The following STK3 variants were observed in gnomAD, a reference collection of about 807,000 sequenced individuals.
STK3 encodes serine/threonine-protein kinase 3.
Under a neutral mutation model 58.0 loss-of-function variants are expected in STK3, and 41 were observed. That is an observed-to-expected ratio of 0.71 (90% confidence interval 0.55 to 0.92). STK3 has a LOEUF of 0.92. Ranked by LOEUF, STK3 falls within the 40% of genes least tolerant of loss-of-function variation. The probability of loss-of-function intolerance (pLI) is 0.00; values close to 1 mark genes in which losing one functional copy is unlikely to be tolerated. For synonymous variants in STK3, 170 were observed against 191.0 expected (o/e 0.89, Z 0.91); for missense variants, 479 against 602.7 (o/e 0.79, Z 2.15).
chr8:98,579,669 TTTC>T lies in STK3; in HGVS notation c.940_942del (p.Glu314del), dbSNP rs1441189576. ...TTTTGAAGATAATTACAAACCGAAT[TTTC>T]TTCTTCCTCTTCCAATTCTCGTTGC... On this transcript the variant is annotated inframe_deletion, in exon 8 of 11. Coordinates refer to ENST00000419617, the MANE Select transcript of STK3 (RefSeq NM_006281.4). 1 of 1,603,426 alleles carries T rather than the reference TTTC, an allele frequency of 6.2e-7. No individual in the cohort carries two copies. The highest frequency in any genetic ancestry group is 1.3e-5 in the African/African-American group (1 of 74,372).
In STK3 at chr8:98,526,778, A is replaced by T. The variant is rs776939644; in HGVS notation, c.1281T>A (p.Asp427Glu). Residue 427 changes from aspartate (D) to glutamate (E), a missense_variant, in exon 10 of 11, where the codon GAT becomes GAA. Asp to Glu is a conservative substitution (Grantham distance 45). Coordinates refer to ENST00000419617, the MANE Select transcript of STK3 (RefSeq NM_006281.4). ...PFPMSKNVFP[D>E]NWKVPQDGDF... Reference sequence around the variant, plus strand: ...CTCCATCTTGAGGAACTTTCCAGTTATCAGGAAAAACGTTTTTGGACATAG... The same window carrying T: ...CTCCATCTTGAGGAACTTTCCAGTTTTCAGGAAAAACGTTTTTGGACATAG... 2.2e-5 allele frequency: 35 copies of T among 1,583,888 alleles called. No individual in the cohort carries two copies. The highest frequency in any genetic ancestry group is 2.8e-5 in the Non-Finnish European group (33 of 1,163,810).
intron 2 of STK3, among the ~76,000 whole-genome samples, chr8:98,768,386 C>T (rs533011400): frequency 1.5e-4 from 23 of 152,194 alleles, no homozygotes; most frequent in African/African-American, 5.5e-4. Context: ...ATGCAGAAGC[C>T]CTTCCAAATT....
intron 1 of STK3, among the ~76,000 whole-genome samples, chr8:98,914,447 T>C (rs749558922): frequency 8.1e-5 from 12 of 148,600 alleles, no homozygotes; most frequent in Non-Finnish European, 1.3e-4. Flanking sequence ...TACACTTGTG[T>C]GCAAGCACAT....
At chr8:98,430,963 TATAAG>T (rs1818317374) in intron 3 of STK3, 2 of 167,150 alleles carry the variant, frequency 1.2e-5, no homozygotes, top group Admixed American at 1.3e-4. Flanking sequence ...TGGGTTCCTC[TATAAG>T]ATAATTCTTC....
chr8:98,430,285 A>G (rs1388151424), intron 3 of STK3: 2 of 167,088 alleles, frequency 1.2e-5, no homozygotes, highest in African/African-American at 2.4e-5. Context: ...TTTCCGGATG[A>G]GGTTTCTGAT....
intron 1 of STK3, among the ~76,000 whole-genome samples, chr8:98,893,486 G>GAAAGAGAAAGAAAGAGAGAAAGAA (rs776247646): frequency 7.0e-5 from 3 of 42,998 alleles, no homozygotes; most frequent in African/African-American, 3.3e-4. Flanking sequence ...AAGAAAGAAA[G>GAAAGAGAAAGAAAGAGAGAAAGAA]AGAAAGAAAG....
intron 6 of STK3, among the ~76,000 whole-genome samples, chr8:98,654,523 A>T (rs1454661376): frequency 2.0e-5 from 3 of 152,190 alleles, no homozygotes; most frequent in African/African-American, 7.2e-5. Context: ...GTATTCAATT[A>T]GGAAAAGAGG....
intron 6 of STK3, among the ~76,000 whole-genome samples, chr8:98,643,688 A>G (rs1260365759): frequency 3.3e-5 from 5 of 152,214 alleles, no homozygotes; most frequent in Non-Finnish European, 7.3e-5. Context: ...AAAGTGGCTG[A>G]TGCACAACAA....
chr8:98,597,940 A>G (rs1815973287), intron 6 of STK3: 1 of 985,370 alleles, frequency 1.0e-6, no homozygotes, highest in Non-Finnish European at 1.2e-6. Context: ...GCAGAACCTA[A>G]TAAGGCTTTA....
At chr8:98,719,744 A>C (rs1283075154) in intron 4 of STK3, among the ~76,000 whole-genome samples, 1 of 152,186 alleles carries the variant, frequency 6.6e-6, no homozygotes, top group Non-Finnish European at 1.5e-5. Flanking sequence ...CACAGCGCTG[A>C]TACTCTTCAA....
chr8:98,474,834 T>A (rs1444115094), intron 10 of STK3, among the ~76,000 whole-genome samples: 1 of 152,234 alleles, frequency 6.6e-6, no homozygotes, highest in Non-Finnish European at 1.5e-5. Flanking sequence ...AATCATTTTT[T>A]AAATTTCTGC....
At chr8:98,898,877 G>A (rs1334822191) in intron 1 of STK3, among the ~76,000 whole-genome samples, 1 of 152,176 alleles carries the variant, frequency 6.6e-6, no homozygotes, top group Non-Finnish European at 1.5e-5. Flanking sequence ...TTCAAACACA[G>A]CCTGCCTGGT....
chr8:98,363,206 A>G, the STK3 span, among the ~76,000 whole-genome samples: 1 of 152,252 alleles, frequency 6.6e-6, no homozygotes, highest in East Asian at 1.9e-4. Flanking sequence ...AGCAGCATGC[A>G]TTTTTCTATA....
chr8:98,779,543 A>G (rs1223780724), intron 1 of STK3, among the ~76,000 whole-genome samples: 5 of 152,230 alleles, frequency 3.3e-5, no homozygotes, highest in African/African-American at 4.8e-5. Flanking sequence ...AATATTGTAT[A>G]ACATTACCTA....
chr8:98,656,356 G>C (rs1260147992), intron 6 of STK3, among the ~76,000 whole-genome samples: 1 of 151,834 alleles, frequency 6.6e-6, no homozygotes, highest in Non-Finnish European at 1.5e-5. Flanking sequence ...GTGGGGGGAG[G>C]GATAGCATTA....
intron 6 of STK3, among the ~76,000 whole-genome samples, chr8:98,630,748 A>G (rs1347610764): frequency 6.6e-6 from 1 of 150,694 alleles, no homozygotes; most frequent in Non-Finnish European, 1.5e-5. Context: ...GAAGAAGGAT[A>G]AGGAGAAGGA....
At chr8:98,595,763 A>G in intron 7 of STK3, 1 of 302,436 alleles carries the variant, frequency 3.3e-6, no homozygotes, top group Non-Finnish European at 6.2e-6. Context: ...GAGTCAAGGA[A>G]CAGAAGAAAA....
At chr8:98,789,334 C>T (rs1038098907) in intron 1 of STK3, among the ~76,000 whole-genome samples, 1 of 151,944 alleles carries the variant, frequency 6.6e-6, no homozygotes, top group Non-Finnish European at 1.5e-5. Flanking sequence ...AATCTAAGGC[C>T]ACACCTCAAG....
chr8:98,662,582 T>G (rs1213659756), intron 6 of STK3, among the ~76,000 whole-genome samples: 2 of 152,144 alleles, frequency 1.3e-5, no homozygotes, highest in African/African-American at 4.8e-5. Flanking sequence ...TAACACTCTA[T>G]CTACTGTTTT....
Sources: gnomAD v4.1 joint callset for allele counts (sites outside exome capture counted in the v4.1 genomes callset) on GRCh38, gnomAD v4.1.1 for gene constraint, MANE v1.5 for transcripts, NCBI Gene and HGNC (gene_info 2026-07-23, HGNC 2026-07-21) for gene names.